Variants in RAPGEF4 observed in about 807,000 individuals in gnomAD.
The protein encoded by RAPGEF4 is Rap guanine nucleotide exchange factor 4, also known as RAP guanine-nucleotide-exchange factor (GEF) 4.
A neutral mutation model predicts 147.9 loss-of-function variants in RAPGEF4; 66 were observed. That is an observed-to-expected ratio of 0.45 (90% confidence interval 0.37 to 0.55). The LOEUF (loss-of-function observed/expected upper bound fraction) is 0.55. Ranked by LOEUF, RAPGEF4 falls within the 20% of genes least tolerant of loss-of-function variation. The pLI, the probability that RAPGEF4 is intolerant of heterozygous loss-of-function variation, is 0.00. For missense variants in RAPGEF4, 1,071 were observed against 1,257.3 expected, an observed-to-expected ratio of 0.85 and a Z score of 2.24; for synonymous variants, 419 against 442.7, an observed-to-expected ratio of 0.95 and a Z score of 0.67.
At chr2:172,819,717 G>A (rs905275976) in intron 4 of RAPGEF4, among the ~76,000 whole-genome samples, 3 of 151,740 alleles carry the variant, frequency 2.0e-5, no homozygotes, top group Non-Finnish European at 4.4e-5. Flanking sequence ...CGCCCGCCTC[G>A]GCCTCCCAAA....
At chr2:173,048,282 C>A in intron 29 of RAPGEF4, 1 of 264,950 alleles carries the variant, frequency 3.8e-6, no homozygotes, top group South Asian at 8.0e-5. Context: ...ATGGCAACCT[C>A]AAGAAAGGAT....
At chr2:172,757,720 T>A (rs997134255) in intron 1 of RAPGEF4, among the ~76,000 whole-genome samples, 1 of 152,218 alleles carries the variant, frequency 6.6e-6, no homozygotes, top group Middle Eastern at 3.2e-3. Context: ...TCACAAATCC[T>A]TTGTAAACTT....
intron 4 of RAPGEF4, among the ~76,000 whole-genome samples, chr2:172,815,474 C>T (rs985640062): frequency 2.6e-5 from 4 of 152,116 alleles, no homozygotes; most frequent in Non-Finnish European, 5.9e-5. Context: ...TTAAAGAGCT[C>T]CAACCGTTCT....
At chr2:172,988,020 A>G (rs1692451482) in intron 12 of RAPGEF4, among the ~76,000 whole-genome samples, 176 bp from the exon 13 acceptor site, 1 of 152,220 alleles carries the variant, frequency 6.6e-6, no homozygotes, top group African/African-American at 2.4e-5. Context: ...TTTCTTTTGT[A>G]TTCTATAGAA....
At chr2:172,936,779 C>A (rs1010364497) in intron 6 of RAPGEF4, among the ~76,000 whole-genome samples, 3 of 151,854 alleles carry the variant, frequency 2.0e-5, no homozygotes, top group Non-Finnish European at 4.4e-5. Context: ...TAAAGAAATT[C>A]TTTTAAAGCA....
At chr2:172,821,813 C>T in intron 4 of RAPGEF4, 2 of 1,299,182 alleles carry the variant, frequency 1.5e-6, no homozygotes, top group South Asian at 2.3e-5. Flanking sequence ...GGAGAACCAT[C>T]AGCACCAGTT....
chr2:173,015,546 C>T (rs548931326), intron 18 of RAPGEF4, among the ~76,000 whole-genome samples: 14 of 152,308 alleles, frequency 9.2e-5, no homozygotes, highest in African/African-American at 2.6e-4. Context: ...TCCCTCCAAG[C>T]TGAGGAATGA....
At chr2:172,776,602 C>G (rs79872096) in intron 1 of RAPGEF4, among the ~76,000 whole-genome samples, 2 of 152,080 alleles carry the variant, frequency 1.3e-5, no homozygotes, top group African/African-American at 4.8e-5. Flanking sequence ...TATTGAGTCT[C>G]TAATTGTTAT....
At chr2:172,957,966 A>G (rs966221515) in intron 6 of RAPGEF4, among the ~76,000 whole-genome samples, 1 of 152,246 alleles carries the variant, frequency 6.6e-6, no homozygotes, top group Admixed American at 6.5e-5. Context: ...CCTAGAGACC[A>G]CTTGTTAGCA....
In RAPGEF4 at chr2:173,011,159, A is replaced by AGCGCGC. The variant is rs147557642; in HGVS notation, c.1659-3298_1659-3293dup. On this transcript the variant is annotated intron_variant, in intron 17 of 30. Coordinates refer to ENST00000397081, the MANE Select transcript of RAPGEF4 (RefSeq NM_007023.4). The stretch of plus-strand genomic sequence containing the variant: ...TCAGCTGCGGGAACCTTGGAACTTC[A>AGCGCGC]GCGCGCGCGCGCACACACACACACA... Among the ~76,000 whole-genome samples, 643 of 128,376 alleles carry AGCGCGC rather than the reference A, an allele frequency of 5.0e-3. 4 individuals are homozygous for AGCGCGC. The highest frequency in any genetic ancestry group is 0.011 in the African/African-American group (353 of 32,608). The allele number at this position is 128,376 out of a possible 152,430, so 84.2% of individuals were successfully genotyped here.
intron 1 of RAPGEF4, among the ~76,000 whole-genome samples, chr2:172,763,948 C>G (rs1454457487): frequency 6.6e-6 from 1 of 151,966 alleles, no homozygotes; most frequent in African/African-American, 2.4e-5. Flanking sequence ...TACTACTTAA[C>G]CTATAAAAAG....
At chr2:172,955,516 C>A (rs1483411996) in intron 6 of RAPGEF4, among the ~76,000 whole-genome samples, 2 of 152,134 alleles carry the variant, frequency 1.3e-5, no homozygotes, top group Non-Finnish European at 2.9e-5. Flanking sequence ...CCCTGCCTCG[C>A]GGTTTTAGGA....
intron 1 of RAPGEF4, among the ~76,000 whole-genome samples, chr2:172,749,625 G>A (rs755596258): frequency 3.3e-5 from 5 of 152,192 alleles, no homozygotes; most frequent in Non-Finnish European, 5.9e-5. Flanking sequence ...GGTCTCTGAC[G>A]TGCCCTGGAG....
chr2:172,754,612 G>A (rs1345682802), intron 1 of RAPGEF4, among the ~76,000 whole-genome samples: 3 of 152,110 alleles, frequency 2.0e-5, no homozygotes, highest in African/African-American at 7.2e-5. Flanking sequence ...TAAGTGCTAG[G>A]GACCACTGGG....
intron 1 of RAPGEF4, among the ~76,000 whole-genome samples, chr2:172,746,041 A>G (rs140421717): frequency 1.4e-4 from 21 of 152,354 alleles, no homozygotes; most frequent in African/African-American, 4.8e-4. Context: ...TGTGTTTCTT[A>G]CTGAAAATCC....
rs774113066 is a variant in RAPGEF4, at chr2:172,917,893, C to CA, written c.517+20dup. 6.2e-7 allele frequency: 1 copy of CA among 1,601,870 alleles called. No individual in the cohort carries two copies. The stretch of plus-strand genomic sequence containing the variant: ...AATGACAGTAAGTGGAAAATGTGAA[C>CA]ATTTTGTATCTAAAAATTTGTCGTG... On this transcript the variant is annotated intron_variant, in intron 5 of 30. Coordinates refer to ENST00000397081, the MANE Select transcript of RAPGEF4 (RefSeq NM_007023.4).
rs572466500 is a variant in RAPGEF4 at position 172,745,815 on chromosome 2, C to T, written c.65+9767C>T. On this transcript the variant is annotated intron_variant, in intron 1 of 30. Coordinates refer to ENST00000397081, the MANE Select transcript of RAPGEF4 (RefSeq NM_007023.4). The stretch of plus-strand genomic sequence containing the variant: ...TACTGGGACCTCTTGACTCCCTCAG[C>T]CTCAAGAATATACTTTGCAATGTGG... Among the ~76,000 whole-genome samples, 5 of 152,288 alleles carry T rather than the reference C, an allele frequency of 3.3e-5. No homozygotes were observed. In the South Asian group the frequency reaches 1.0e-3, roughly 32 times the overall value.
intron 1 of RAPGEF4, among the ~76,000 whole-genome samples, chr2:172,763,644 T>G (rs1057083756): frequency 6.6e-6 from 1 of 152,192 alleles, no homozygotes; most frequent in African/African-American, 2.4e-5. Flanking sequence ...GCCAGGAACA[T>G]GTACATGAAT....
intron 4 of RAPGEF4, among the ~76,000 whole-genome samples, chr2:172,840,183 C>T (rs918576738): frequency 6.6e-5 from 10 of 152,122 alleles, no homozygotes; most frequent in African/African-American, 2.2e-4. Flanking sequence ...GATCTGTGTT[C>T]GCTAGCTTTT....
Sources: allele counts gnomAD v4.1 joint callset (sites outside exome capture counted in the v4.1 genomes callset), GRCh38; gene constraint gnomAD v4.1.1; transcripts MANE v1.5; gene names NCBI Gene and HGNC (gene_info 2026-07-23, HGNC 2026-07-21).